KALRN: variants seen among roughly 807,000 people sequenced by gnomAD.
The protein encoded by KALRN is kalirin.
KALRN carries 70 observed loss-of-function variants against 353.7 expected under a neutral mutation model. The ratio of observed to expected loss-of-function variants is 0.20; its 90% confidence interval spans 0.16 to 0.24. KALRN has a LOEUF of 0.24. Ranked by LOEUF, KALRN falls within the 10% of genes least tolerant of loss-of-function variation. The pLI is 1.00. For synonymous variants in KALRN, 1,391 were observed against 1,434.8 expected, an observed-to-expected ratio of 0.97 and a Z score of 0.69; for missense variants, 2,791 against 3,756.7, an observed-to-expected ratio of 0.74 and a Z score of 6.72.
chr3:124,150,608 A>G (rs1229414828), intron 1 of KALRN, among the ~76,000 whole-genome samples: 1 of 152,166 alleles, frequency 6.6e-6, no homozygotes, highest in Non-Finnish European at 1.5e-5. Context: ...GCTGTCATTT[A>G]TAGATTTGAG....
At chr3:124,111,234 G>A (rs1047143731) in intron 1 of KALRN, among the ~76,000 whole-genome samples, 2 of 152,168 alleles carry the variant, frequency 1.3e-5, no homozygotes, top group Non-Finnish European at 2.9e-5. Flanking sequence ...CAAGATGGCT[G>A]CCGTAACTCC....
chr3:124,610,472 G>A (rs561622528), intron 34 of KALRN, among the ~76,000 whole-genome samples: 2 of 152,276 alleles, frequency 1.3e-5, no homozygotes, highest in Admixed American at 6.5e-5. Flanking sequence ...GGGGACAAGG[G>A]GTTGTCCCTA....
intron 52 of KALRN, 103 bp downstream of exon 52, chr3:124,693,934 T>C (rs2061939322): frequency 6.3e-6 from 5 of 790,030 alleles, no homozygotes; most frequent in Non-Finnish European, 8.2e-6. Context: ...GATATAGTTC[T>C]GTATCAATGG....
rs1258813885 is a variant in KALRN at position 124,541,480 on chromosome 3, C to A, written c.4936-21363C>A. Among the ~76,000 whole-genome samples the A allele has an allele frequency of 4.0e-5, 6 of 151,596 alleles. No homozygotes were observed. The East Asian group carries it at 7.8e-4, about 20-fold the overall frequency. On this transcript the variant is annotated intron_variant, in intron 33 of 59. Coordinates refer to ENST00000682506, the MANE Select transcript of KALRN (RefSeq NM_001388419.1). ...ATTAAAATTAAAATTAAAAAAAAAA[C>A]CCATATAATTCTTGGACCTTTATAA... is the stretch of plus-strand genomic sequence containing the variant.
chr3:124,611,770 A>C (rs1198751040), intron 34 of KALRN, among the ~76,000 whole-genome samples: 1 of 152,152 alleles, frequency 6.6e-6, no homozygotes. Context: ...ACTGCATTTC[A>C]TGTCCCTTCA....
chr3:124,253,163 A>G (rs1376740233), intron 3 of KALRN, among the ~76,000 whole-genome samples: 1 of 152,216 alleles, frequency 6.6e-6, no homozygotes, highest in African/African-American at 2.4e-5. Context: ...AAGCAGCTTA[A>G]CATAGATCAA....
intron 5 of KALRN, among the ~76,000 whole-genome samples, chr3:124,274,918 C>A (rs1415472318): frequency 6.6e-6 from 1 of 152,166 alleles, no homozygotes; most frequent in East Asian, 1.9e-4. Context: ...CCATGGGTGC[C>A]ATGCTGAAAT....
At chr3:124,365,192 A>G (rs183298772) in intron 10 of KALRN, among the ~76,000 whole-genome samples, 38 of 152,292 alleles carry the variant, frequency 2.5e-4, no homozygotes, top group African/African-American at 9.1e-4. Flanking sequence ...TTTATTGATG[A>G]TGAACTCTGA....
chr3:124,625,125 T>C (rs963949137), intron 34 of KALRN, among the ~76,000 whole-genome samples: 3 of 152,286 alleles, frequency 2.0e-5, no homozygotes, highest in Middle Eastern at 3.4e-3. Flanking sequence ...ACTTTTCAAA[T>C]ATTAACTTCT....
chr3:124,648,834 T>C (rs1014494939), intron 37 of KALRN, among the ~76,000 whole-genome samples: 3 of 152,218 alleles, frequency 2.0e-5, no homozygotes, highest in Admixed American at 6.5e-5. Context: ...GCCTGTGTGC[T>C]TGGTTGTCAA....
At position 124,702,967 on chromosome 3, in the gene KALRN, C is replaced by G. The variant is rs6775437; in HGVS notation, c.8075+851C>G. Among the ~76,000 whole-genome samples the G allele has an allele frequency of 1.9e-3, 282 of 152,260 alleles. 3 individuals carry two copies. The highest frequency in any genetic ancestry group is 6.8e-3 in the African/African-American group (281 of 41,552). On this transcript the variant is annotated intron_variant, in intron 57 of 59. Transcript: ENST00000682506. ...CAAAAGGCATTCATCCCTATGCATG[C>G]TTTGGTCTCCAGGTGGTCTGTGTGA... is the stretch of plus-strand genomic sequence containing the variant.
chr3:124,442,127 C>A, intron 19 of KALRN, 68 bp downstream of exon 19: 1 of 876,776 alleles, frequency 1.1e-6, no homozygotes, highest in South Asian at 2.2e-5. Flanking sequence ...ATACCATGTA[C>A]CCAGTTTTCA....
intron 16 of KALRN, among the ~76,000 whole-genome samples, chr3:124,431,456 A>G (rs1226088651): frequency 6.6e-6 from 1 of 152,192 alleles, no homozygotes; most frequent in Non-Finnish European, 1.5e-5. Context: ...AGTACCCTTA[A>G]TTATCCTTTT....
intron 38 of KALRN, among the ~76,000 whole-genome samples, chr3:124,653,926 G>T (rs1459160546): frequency 6.6e-6 from 1 of 152,142 alleles, no homozygotes; most frequent in African/African-American, 2.4e-5. Flanking sequence ...ATACGTCATG[G>T]TCTCCTTCAT....
intron 10 of KALRN, among the ~76,000 whole-genome samples, chr3:124,360,058 G>A (rs920923598): frequency 6.6e-6 from 1 of 152,258 alleles, no homozygotes; most frequent in African/African-American, 2.4e-5. Context: ...CTGCCTAGGG[G>A]CAGGGAACAC....
intron 57 of KALRN, among the ~76,000 whole-genome samples, chr3:124,707,730 T>C (rs1211742983): frequency 6.6e-6 from 1 of 152,200 alleles, no homozygotes; most frequent in African/African-American, 2.4e-5. Flanking sequence ...CATGTGAAAC[T>C]GCATGACAAT....
At chr3:124,495,350 A>G (rs1308321539) in intron 32 of KALRN, among the ~76,000 whole-genome samples, 5 of 152,184 alleles carry the variant, frequency 3.3e-5, no homozygotes, top group Non-Finnish European at 7.3e-5. Flanking sequence ...CCAGGAGTTG[A>G]AGGTCTAATA....
chr3:124,472,583 G>A (rs1263350229), intron 25 of KALRN, among the ~76,000 whole-genome samples: 1 of 139,810 alleles, frequency 7.2e-6, no homozygotes, highest in African/African-American at 3.2e-5. Flanking sequence ...ATATGTGTGT[G>A]TGTGTGTGTG....
intron 34 of KALRN, among the ~76,000 whole-genome samples, chr3:124,630,056 G>C (rs1249902165): frequency 6.6e-6 from 1 of 152,162 alleles, no homozygotes; most frequent in Non-Finnish European, 1.5e-5. Flanking sequence ...CTGAGAACTA[G>C]GAAGACATCT....
Sources: gnomAD v4.1 joint callset for allele counts (sites outside exome capture counted in the v4.1 genomes callset) on GRCh38, gnomAD v4.1.1 for gene constraint, MANE v1.5 for transcripts, NCBI Gene and HGNC (gene_info 2026-07-23, HGNC 2026-07-21) for gene names.